SGCZ: variants seen among roughly 807,000 people sequenced by gnomAD.
The protein encoded by SGCZ is zeta-sarcoglycan.
SGCZ carries 40 observed loss-of-function variants against 41.3 expected under a neutral mutation model. The observed-to-expected ratio is 0.97, with a 90% CI of 0.75 to 1.26. The LOEUF (loss-of-function observed/expected upper bound fraction) is 1.26, where lower values mean the gene tolerates loss of function less well. Among genes scored for constraint, SGCZ ranks in the 50% most tolerant of loss-of-function variants. The pLI is 0.00. For synonymous variants in SGCZ, 206 were observed against 137.5 expected (o/e 1.50, Z -3.49); for missense variants, 552 against 369.8 (o/e 1.49, Z -4.04).
At chr8:14,369,012 CAAATGT>C (rs1359837173) in intron 2 of SGCZ, among the ~76,000 whole-genome samples, 1 of 123,784 alleles carries the variant, frequency 8.1e-6, no homozygotes, top group East Asian at 2.3e-4. Context: ...AAAACAGAGG[CAAATGT>C]AAATGTGTGT....
chr8:14,375,276 A>G (rs1340705395), intron 2 of SGCZ, among the ~76,000 whole-genome samples: 1 of 152,228 alleles, frequency 6.6e-6, no homozygotes, highest in Non-Finnish European at 1.5e-5. Flanking sequence ...TTTTAAAGCA[A>G]GAAACTATTG....
intron 5 of SGCZ, among the ~76,000 whole-genome samples, chr8:14,152,126 T>C (rs1803728325): frequency 6.6e-6 from 1 of 152,000 alleles, no homozygotes; most frequent in African/African-American, 2.4e-5. Flanking sequence ...ACTTGACTAA[T>C]AGAATAAGAA....
intron 1 of SGCZ, among the ~76,000 whole-genome samples, chr8:15,204,751 T>C (rs573443651): frequency 2.0e-5 from 3 of 152,218 alleles, no homozygotes; most frequent in African/African-American, 7.2e-5. Context: ...TCTCTACTTT[T>C]TATGTTAACT....
intron 1 of SGCZ, among the ~76,000 whole-genome samples, chr8:14,917,581 A>C (rs1799473037): frequency 6.6e-6 from 1 of 152,042 alleles, no homozygotes; most frequent in Non-Finnish European, 1.5e-5. Context: ...ATCCACAGCA[A>C]AGAACCTCTT....
intron 3 of SGCZ, among the ~76,000 whole-genome samples, chr8:14,282,228 C>T (rs978369312): frequency 2.0e-5 from 3 of 151,996 alleles, no homozygotes; most frequent in African/African-American, 7.2e-5. Flanking sequence ...AATACTGATC[C>T]GCCTGTATCC....
At chr8:14,624,944 T>G (rs1806405016) in intron 1 of SGCZ, among the ~76,000 whole-genome samples, 1 of 152,142 alleles carries the variant, frequency 6.6e-6, no homozygotes, top group South Asian at 2.1e-4. Flanking sequence ...GTCCTTGATA[T>G]TTAGAATTAT....
intron 1 of SGCZ, among the ~76,000 whole-genome samples, chr8:14,557,930 C>A (rs1046550267): frequency 1.3e-5 from 2 of 152,054 alleles, no homozygotes; most frequent in Non-Finnish European, 2.9e-5. Context: ...CAAGATTAAC[C>A]AAGAAAAGAA....
intron 4 of SGCZ, among the ~76,000 whole-genome samples, chr8:14,173,958 G>C (rs1325487317): frequency 6.6e-6 from 1 of 151,926 alleles, no homozygotes; most frequent in Admixed American, 6.6e-5. Flanking sequence ...ATATTAGAAT[G>C]GTTATATTAA....
chr8:14,250,146 T>C (rs538402275), intron 3 of SGCZ, among the ~76,000 whole-genome samples: 1 of 152,342 alleles, frequency 6.6e-6, no homozygotes, highest in South Asian at 2.1e-4. Context: ...AGAATGACTC[T>C]AACAGCCCAG....
intron 3 of SGCZ, among the ~76,000 whole-genome samples, chr8:14,284,687 A>T (rs7004508): frequency 0.035 from 5,266 of 151,546 alleles, 300 homozygotes; most frequent in African/African-American, 0.12. Context: ...TGATCCTGTT[A>T]TTTTCTGCAC....
intron 5 of SGCZ, among the ~76,000 whole-genome samples, chr8:14,138,263 C>T (rs1456852226): frequency 6.6e-6 from 1 of 152,156 alleles, no homozygotes; most frequent in African/African-American, 2.4e-5. Context: ...TAGGAAGAAA[C>T]TGCATCAACT....
chr8:14,087,133 G>C lies in SGCZ; in HGVS notation c.*3310C>G, dbSNP rs2116940752. Among the ~76,000 whole-genome samples, 1 of 151,556 alleles carries C rather than the reference G, an allele frequency of 6.6e-6. No homozygotes were observed. The highest frequency in any genetic ancestry group is 1.5e-5 in the Non-Finnish European group (1 of 67,668). ...GGTGTATAATTGTCTTAAACTCTTA[G>C]ATAAATAATTATGTGCCAAATTATA... On this transcript the variant is annotated 3_prime_UTR_variant, in exon 8 of 8. Transcript: ENST00000382080.
chr8:14,627,214 T>C (rs924145585), intron 1 of SGCZ, among the ~76,000 whole-genome samples: 13 of 152,328 alleles, frequency 8.5e-5, no homozygotes, highest in African/African-American at 2.9e-4. Context: ...ACTTTGATCT[T>C]GGTTGTACAC....
chr8:14,432,704 G>T (rs562976505), intron 2 of SGCZ, among the ~76,000 whole-genome samples: 6 of 151,864 alleles, frequency 4.0e-5, no homozygotes, highest in Non-Finnish European at 7.4e-5. Context: ...ACCTGAGGTC[G>T]GGAGTTCGAG....
intron 2 of SGCZ, among the ~76,000 whole-genome samples, chr8:14,446,987 T>A (rs1197120314): frequency 1.3e-5 from 2 of 152,210 alleles, no homozygotes; most frequent in East Asian, 3.8e-4. Context: ...CTTTAGATCT[T>A]TGAAAGTAAT....
intron 2 of SGCZ, among the ~76,000 whole-genome samples, chr8:14,401,889 T>C (rs1431343060): frequency 6.6e-6 from 1 of 150,466 alleles, no homozygotes; most frequent in Non-Finnish European, 1.5e-5. Context: ...GTTGAACTAG[T>C]TTACAGTCCC....
chr8:14,671,313 T>C (rs1171000378), intron 1 of SGCZ, among the ~76,000 whole-genome samples: 1 of 152,180 alleles, frequency 6.6e-6, no homozygotes, highest in Non-Finnish European at 1.5e-5. Flanking sequence ...GGCTTCAACT[T>C]TGGAGACCTA....
At chr8:14,177,844 G>A (rs575079837) in intron 4 of SGCZ, among the ~76,000 whole-genome samples, 5 of 151,438 alleles carry the variant, frequency 3.3e-5, no homozygotes, top group African/African-American at 1.2e-4. Flanking sequence ...TTTTCTATCT[G>A]CTTTGAATCT....
At chr8:14,529,333 C>T (rs1015939442) in intron 2 of SGCZ, among the ~76,000 whole-genome samples, 2 of 152,142 alleles carry the variant, frequency 1.3e-5, no homozygotes, top group African/African-American at 4.8e-5. Flanking sequence ...ACTTATATGC[C>T]CTGTATTCCT....
Sources: gnomAD v4.1 joint callset for allele counts (sites outside exome capture counted in the v4.1 genomes callset) on GRCh38, gnomAD v4.1.1 for gene constraint, MANE v1.5 for transcripts, NCBI Gene and HGNC (gene_info 2026-07-23, HGNC 2026-07-21) for gene names.